The following SYNE3 variants were observed in gnomAD, a reference collection of about 807,000 sequenced individuals.
SYNE3 encodes the protein spectrin repeat containing nuclear envelope family member 3.
In SYNE3, 100 loss-of-function variants were observed where a neutral mutation model predicts 111.2. That is an observed-to-expected ratio of 0.90 (90% confidence interval 0.77 to 1.06). The LOEUF is 1.06. SYNE3 is among the 50% of genes least tolerant of loss of function. The pLI is 0.00. For missense variants in SYNE3, 1,160 were observed against 1,240.3 expected (o/e 0.94, Z 0.97); for synonymous variants, 547 against 533.9 (o/e 1.02, Z -0.34).
chr14:95,411,885 G>C lies in SYNE3; in HGVS notation c.*5941C>G, dbSNP rs1903443947. ...GACACGCCAACCCAGATGATCCCCA[G>C]TGGGGAAAAGTGGGCTTCTCAGTTT... is the stretch of plus-strand genomic sequence containing the variant. On this transcript the variant is annotated 3_prime_UTR_variant, in exon 18 of 18. Transcript: ENST00000682763. The C allele has an allele frequency of 1.3e-5, 2 of 152,364 alleles. No individual in the cohort carries two copies. The highest frequency in any genetic ancestry group is 1.3e-4 in the Admixed American group (2 of 15,292). The allele number at this position is 152,364 out of a possible 1,614,324, so 9.4% of individuals were successfully genotyped here. A position where few individuals can be genotyped will look rare whatever the true frequency, so the allele number is the denominator to read the frequency against.
At chr14:95,460,932 C>A (rs985066776) in intron 4 of SYNE3, among the ~76,000 whole-genome samples, 2 of 152,108 alleles carry the variant, frequency 1.3e-5, no homozygotes, top group Non-Finnish European at 1.5e-5. Flanking sequence ...TGCTGGCACC[C>A]GGAGAAGTCC....
chr14:95,486,657 C>T (rs970107176), intron 1 of SYNE3, among the ~76,000 whole-genome samples: 7 of 152,156 alleles, frequency 4.6e-5, no homozygotes, highest in African/African-American at 1.4e-4. Context: ...GCTTTTAAAG[C>T]AAAATTATGG....
At chr14:95,457,021 C>T (rs952053403) in intron 5 of SYNE3, among the ~76,000 whole-genome samples, 156 bp downstream of exon 5, 4 of 149,118 alleles carry the variant, frequency 2.7e-5, no homozygotes, top group African/African-American at 9.9e-5. Flanking sequence ...GGAGGTGGAG[C>T]TTGCAGTGAG....
chr14:95,465,754 A>G (rs536910279), intron 4 of SYNE3, among the ~76,000 whole-genome samples, 177 bp downstream of exon 4: 1 of 152,102 alleles, frequency 6.6e-6, no homozygotes, highest in African/African-American at 2.4e-5. Context: ...GTAGGTAGAC[A>G]GATGGATGGG....
At chr14:95,494,723 G>A (rs1566687039) in intron 1 of SYNE3, among the ~76,000 whole-genome samples, 1 of 152,168 alleles carries the variant, frequency 6.6e-6, no homozygotes, top group Non-Finnish European at 1.5e-5. Flanking sequence ...CAGGGCCCTT[G>A]CAACAGGGCA....
At chr14:95,422,219 G>A (rs1885167329) in intron 17 of SYNE3, among the ~76,000 whole-genome samples, 1 of 151,734 alleles carries the variant, frequency 6.6e-6, no homozygotes. Flanking sequence ...TGTTCTCACT[G>A]TGCCCATGGT....
chr14:95,480,540 G>A (rs937535323), intron 1 of SYNE3, among the ~76,000 whole-genome samples: 2 of 152,122 alleles, frequency 1.3e-5, no homozygotes, highest in Admixed American at 1.3e-4. Context: ...AAGGTCTGTG[G>A]GCATGGCTGG....
intron 17 of SYNE3, among the ~76,000 whole-genome samples, chr14:95,424,464 G>A (rs891723221): frequency 6.6e-6 from 1 of 152,158 alleles, no homozygotes; most frequent in African/African-American, 2.4e-5. Flanking sequence ...AAGAGGCATT[G>A]TATTTCTAGT....
intron 1 of SYNE3, among the ~76,000 whole-genome samples, chr14:95,479,402 T>C (rs1889093665): frequency 1.3e-5 from 2 of 152,070 alleles, no homozygotes; most frequent in Admixed American, 1.3e-4. Context: ...GCCCAGAACC[T>C]GGAGCACACA....
chr14:95,466,256 C>T lies in SYNE3; in HGVS notation c.318-16G>A. On this transcript the variant is annotated splice_polypyrimidine_tract_variant and intron_variant, in intron 3 of 17. Transcript: ENST00000682763. ...CTCGATGCGGCTGTGGGCACAGAGA[C>T]CTCAAGGTTGTGAGGGAACCAGCCA... is the stretch of plus-strand genomic sequence containing the variant. The T allele has an allele frequency of 1.3e-6, 2 of 1,544,838 alleles. No individual in the cohort carries two copies. Among genetic ancestry groups the T allele is most frequent in the Non-Finnish European group, 1.8e-6 (2 of 1,139,728 alleles).
At chr14:95,471,137 A>G (rs1357102367) in intron 2 of SYNE3, among the ~76,000 whole-genome samples, 1 of 152,210 alleles carries the variant, frequency 6.6e-6, no homozygotes, top group African/African-American at 2.4e-5. Context: ...ATGATTCTCT[A>G]CAGCTGCCAG....
intron 7 of SYNE3, chr14:95,451,521 C>T (rs979373351): frequency 6.6e-6 from 1 of 152,246 alleles, no homozygotes; most frequent in African/African-American, 2.4e-5. Flanking sequence ...CAGCCCGACC[C>T]CTACCTTAGC....
intron 1 of SYNE3, among the ~76,000 whole-genome samples, chr14:95,511,927 C>T (rs931925530): frequency 7.0e-6 from 1 of 142,810 alleles, no homozygotes; most frequent in Admixed American, 6.7e-5. Flanking sequence ...TGTGTGACCT[C>T]GGCCAGGACA....
In SYNE3 at chr14:95,439,970, C is replaced by T. The variant is rs1017780853; in HGVS notation, c.2017G>A (p.Ala673Thr). 7.4e-6 allele frequency: 12 copies of T among 1,613,940 alleles called. No homozygotes were observed. The highest frequency in any genetic ancestry group is 1.3e-5 in the African/African-American group (1 of 74,936). Reference protein sequence around the residue: ...WIVVTTQKLEAHRGEAGPGDA... With the variant: ...WIVVTTQKLETHRGEAGPGDA... ...CCCGGGCCCGCCTCTCCCCGGTGTG[C>T]CTCCAGCTTTTGCGTGGTCACAACG... The change falls in exon 12 of 18, where the codon GCA becomes ACA. Residue 673 changes from alanine to threonine, a missense_variant. Physicochemically the swap from Ala to Thr is moderately conservative, Grantham distance 58. Coordinates refer to ENST00000682763, the MANE Select transcript of SYNE3 (RefSeq NM_152592.6).
intron 1 of SYNE3, among the ~76,000 whole-genome samples, 185 bp downstream of exon 1, chr14:95,516,411 G>A (rs1008618954): frequency 1.1e-4 from 17 of 152,062 alleles, no homozygotes; most frequent in Non-Finnish European, 2.4e-4. Context: ...CCGCCCGCCC[G>A]CAGCTGTCAC....
chr14:95,436,623 C>T (rs1486533855), intron 15 of SYNE3, among the ~76,000 whole-genome samples, 197 bp downstream of exon 15: 1 of 152,216 alleles, frequency 6.6e-6, no homozygotes, highest in Non-Finnish European at 1.5e-5. Flanking sequence ...ACTACATAAG[C>T]ATGCTGAACA....
At chr14:95,462,245 C>G (rs1314572337) in intron 4 of SYNE3, among the ~76,000 whole-genome samples, 1 of 152,188 alleles carries the variant, frequency 6.6e-6, no homozygotes, top group Non-Finnish European at 1.5e-5. Flanking sequence ...TCCCCATGGC[C>G]AGCTTCTAGA....
At chr14:95,509,763 AC>A (rs2083044687) in intron 1 of SYNE3, among the ~76,000 whole-genome samples, 1 of 152,218 alleles carries the variant, frequency 6.6e-6, no homozygotes, top group African/African-American at 2.4e-5. Context: ...ATGGTGGCCC[AC>A]CCTGTTCTGT....
rs2139327236 is a variant in SYNE3 at position 95,415,727 on chromosome 14, G to A, written c.*2099C>T. On this transcript the variant is annotated 3_prime_UTR_variant, in exon 18 of 18. Coordinates refer to ENST00000682763, the MANE Select transcript of SYNE3 (RefSeq NM_152592.6). ...AAAAAAAAAATGGCCAGGCATGGTGGCTCATGCCTGTAATCCCAGTGCTTT... is the reference window on the plus strand; with the variant it reads ...AAAAAAAAAATGGCCAGGCATGGTGACTCATGCCTGTAATCCCAGTGCTTT... 6.6e-6 allele frequency: 1 copy of A among 151,924 alleles called. No individual in the cohort carries two copies. The highest frequency in any genetic ancestry group is 2.4e-5 in the African/African-American group (1 of 41,458). The allele number at this position is 151,924 out of a possible 1,614,324, so 9.4% of individuals were successfully genotyped here.
Sources: allele counts gnomAD v4.1 joint callset (sites outside exome capture counted in the v4.1 genomes callset), GRCh38; gene constraint gnomAD v4.1.1; transcripts MANE v1.5; gene names NCBI Gene and HGNC (gene_info 2026-07-23, HGNC 2026-07-21).